UNC5D: variants seen among roughly 807,000 people sequenced by gnomAD.
UNC5D encodes unc-5 netrin receptor D.
Under a neutral mutation model 105.4 loss-of-function variants are expected in UNC5D, and 39 were observed. That is an observed-to-expected ratio of 0.37 (90% confidence interval 0.29 to 0.48). UNC5D has a LOEUF of 0.48. Ranked by LOEUF, UNC5D falls within the 20% of genes least tolerant of loss-of-function variation. The pLI, the probability that UNC5D is intolerant of heterozygous loss-of-function variation, is 0.98. For missense variants in UNC5D, 991 were observed against 1,202.4 expected, an observed-to-expected ratio of 0.82 and a Z score of 2.60; for synonymous variants, 452 against 450.4, an observed-to-expected ratio of 1.00 and a Z score of -0.04.
intron 2 of UNC5D, among the ~76,000 whole-genome samples, chr8:35,561,715 C>A (rs1333062919): frequency 6.6e-6 from 1 of 152,014 alleles, no homozygotes; most frequent in Non-Finnish European, 1.5e-5. Context: ...AAGTGAAAAA[C>A]ATGAAAGTGC....
chr8:35,495,588 C>CCTT (rs1441942596), intron 1 of UNC5D, among the ~76,000 whole-genome samples: 1 of 151,836 alleles, frequency 6.6e-6, no homozygotes, highest in African/African-American at 2.4e-5. Flanking sequence ...TAGAGATCAG[C>CCTT]CTTAAAGCTA....
chr8:35,435,585 A>G (rs917597121), intron 1 of UNC5D, among the ~76,000 whole-genome samples: 4 of 152,124 alleles, frequency 2.6e-5, no homozygotes, highest in Admixed American at 2.0e-4. Context: ...ATATGAAACA[A>G]TGTAAGAATT....
chr8:35,346,399 A>G (rs1025922660), intron 1 of UNC5D, among the ~76,000 whole-genome samples: 3 of 151,932 alleles, frequency 2.0e-5, no homozygotes, highest in African/African-American at 4.8e-5. Flanking sequence ...TTCAGAGTCT[A>G]TTTTCATCTT....
At chr8:35,321,224 C>G (rs894095322) in intron 1 of UNC5D, among the ~76,000 whole-genome samples, 2 of 152,164 alleles carry the variant, frequency 1.3e-5, no homozygotes, top group Non-Finnish European at 2.9e-5. Context: ...CAAAAACTAT[C>G]ATACAGCTTG....
intron 1 of UNC5D, among the ~76,000 whole-genome samples, chr8:35,362,181 C>G (rs1430402163): frequency 6.6e-6 from 1 of 152,168 alleles, no homozygotes; most frequent in East Asian, 1.9e-4. Flanking sequence ...CTAAAAATAA[C>G]TCTTTCACAA....
At chr8:35,388,068 G>A (rs1585726536) in intron 1 of UNC5D, among the ~76,000 whole-genome samples, 1 of 152,208 alleles carries the variant, frequency 6.6e-6, no homozygotes, top group Admixed American at 6.5e-5. Context: ...TCAGGAATCA[G>A]ATTTTTATTA....
chr8:35,309,949 T>G (rs1476688115), intron 1 of UNC5D, among the ~76,000 whole-genome samples: 2 of 152,212 alleles, frequency 1.3e-5, no homozygotes, highest in African/African-American at 2.4e-5. Context: ...AATTTAGTGA[T>G]AGTTTTACTG....
At chr8:35,389,542 C>T (rs1803639561) in intron 1 of UNC5D, among the ~76,000 whole-genome samples, 1 of 152,044 alleles carries the variant, frequency 6.6e-6, no homozygotes, top group Admixed American at 6.6e-5. Context: ...ACCTAGATCT[C>T]CCCACATCTT....
intron 1 of UNC5D, among the ~76,000 whole-genome samples, chr8:35,537,632 A>G (rs1392526341): frequency 6.6e-6 from 1 of 152,112 alleles, no homozygotes; most frequent in African/African-American, 2.4e-5. Flanking sequence ...GTAAACTATG[A>G]TGGCACTACT....
chr8:35,750,197 G>C (rs1475845312), intron 12 of UNC5D, among the ~76,000 whole-genome samples: 3 of 151,934 alleles, frequency 2.0e-5, no homozygotes, highest in Non-Finnish European at 4.4e-5. Flanking sequence ...GAGTGCAGTG[G>C]ATGGATCTCC....
At position 35,708,011 on chromosome 8, in the gene UNC5D, A is replaced by G. The variant is rs372600619; in HGVS notation, c.1117+2050A>G. 1.4e-4 allele frequency among the ~76,000 whole-genome samples: 22 copies of G among 152,232 alleles called. No homozygotes were observed. In the East Asian group the frequency reaches 1.9e-3, roughly 13 times the overall value. ...GCATGGTTAGGAGTGCATTATAGAA[A>G]TTCAGGCTGCAGTTGTTCAGTGAAA... is the stretch of plus-strand genomic sequence containing the variant. On this transcript the variant is annotated intron_variant, in intron 8 of 16. Transcript: ENST00000404895.
At chr8:35,298,066 C>A (rs1294202980) in intron 1 of UNC5D, among the ~76,000 whole-genome samples, 1 of 152,150 alleles carries the variant, frequency 6.6e-6, no homozygotes, top group Non-Finnish European at 1.5e-5. Flanking sequence ...AGACTATGAG[C>A]TTCCCCTGCT....
At chr8:35,541,750 CTG>C (rs1470034866) in intron 1 of UNC5D, among the ~76,000 whole-genome samples, 1 of 152,152 alleles carries the variant, frequency 6.6e-6, no homozygotes, top group African/African-American at 2.4e-5. Flanking sequence ...TATTTTTAGT[CTG>C]TGAGCTCCTG....
intron 11 of UNC5D, among the ~76,000 whole-genome samples, chr8:35,744,598 C>T (rs564161197): frequency 6.6e-6 from 1 of 152,216 alleles, no homozygotes; most frequent in Admixed American, 6.5e-5. Context: ...TAATTCTTTA[C>T]TGCCATGATT....
In UNC5D at chr8:35,731,356, G is replaced by A. The variant is rs545315080; in HGVS notation, c.1766+260G>A. Among the ~76,000 whole-genome samples, 7 of 133,934 alleles carry A rather than the reference G, an allele frequency of 5.2e-5. No homozygotes were observed. The South Asian group carries it at 7.2e-4, about 14-fold the overall frequency. The allele number at this position is 133,934 out of a possible 152,430, so 87.9% of individuals were successfully genotyped here. A position where few individuals can be genotyped will look rare whatever the true frequency, so the allele number is the denominator to read the frequency against. ...GCAGAGGATGCAGTGAGCCAAGATC[G>A]TGCCACTGCACTTCAGTCTGGGCAA... is the stretch of plus-strand genomic sequence containing the variant. On this transcript the variant is annotated intron_variant, in intron 11 of 16. Transcript: ENST00000404895.
chr8:35,340,421 T>C (rs1157554492), intron 1 of UNC5D, among the ~76,000 whole-genome samples: 1 of 152,150 alleles, frequency 6.6e-6, no homozygotes, highest in East Asian at 1.9e-4. Flanking sequence ...TAGGTTTCTA[T>C]TTGGGAACTA....
At chr8:35,602,140 G>T (rs192626546) in intron 4 of UNC5D, among the ~76,000 whole-genome samples, 179 of 152,298 alleles carry the variant, frequency 1.2e-3, no homozygotes, top group African/African-American at 4.2e-3. Context: ...GCATCCCAGG[G>T]ATTAAGCCCA....
chr8:35,379,824 C>A lies in UNC5D; in HGVS notation c.103+143937C>A, dbSNP rs10100311. On this transcript the variant is annotated intron_variant, in intron 1 of 16. Transcript: ENST00000404895. Reference sequence around the variant, plus strand: ...AGTCTAGCTTTGCCTTTCCTAGTAGCCTAAACAAGGTATGTTTTGATATAT... The same window carrying A: ...AGTCTAGCTTTGCCTTTCCTAGTAGACTAAACAAGGTATGTTTTGATATAT... 6.1e-3 allele frequency among the ~76,000 whole-genome samples: 926 copies of A among 152,058 alleles called. 11 individuals are homozygous for A. The highest frequency in any genetic ancestry group is 0.021 in the African/African-American group (857 of 41,470).
chr8:35,249,668 T>C (rs1322205057), intron 1 of UNC5D, among the ~76,000 whole-genome samples: 1 of 151,952 alleles, frequency 6.6e-6, no homozygotes, highest in African/African-American at 2.4e-5. Context: ...TAAAGTGAAT[T>C]CTGCATCTCT....
Sources: gnomAD v4.1 joint callset for allele counts (sites outside exome capture counted in the v4.1 genomes callset) on GRCh38, gnomAD v4.1.1 for gene constraint, MANE v1.5 for transcripts, NCBI Gene and HGNC (gene_info 2026-07-23, HGNC 2026-07-21) for gene names.